The following PLIN3 variants were observed in gnomAD, a reference collection of about 807,000 sequenced individuals.
PLIN3 encodes perilipin-3.
Under a neutral mutation model 35.9 loss-of-function variants are expected in PLIN3, and 30 were observed. The observed-to-expected ratio is 0.84, with a 90% CI of 0.62 to 1.13. The LOEUF is 1.13. PLIN3 is among the 50% of genes most tolerant of loss of function. The pLI is 0.00. For missense variants in PLIN3, 603 were observed against 596.9 expected, an observed-to-expected ratio of 1.01 and a Z score of -0.11; for synonymous variants, 261 against 262.5, an observed-to-expected ratio of 0.99 and a Z score of 0.06.
intron 7 of PLIN3, among the ~76,000 whole-genome samples, chr19:4,841,862 G>GT (rs2029900141): frequency 7.4e-6 from 1 of 135,050 alleles, no homozygotes; most frequent in Non-Finnish European, 1.5e-5. Context: ...CCGAAATCGC[G>GT]TCACTGCACT....
intron 1 of PLIN3, among the ~76,000 whole-genome samples, chr19:4,865,281 G>A (rs2146219925): frequency 6.6e-6 from 1 of 152,130 alleles, no homozygotes; most frequent in Admixed American, 6.6e-5. Flanking sequence ...CTAAGGTCGG[G>A]AGTTTGAGAC....
intron 7 of PLIN3, among the ~76,000 whole-genome samples, chr19:4,843,089 A>G (rs1057326431): frequency 1.3e-5 from 2 of 151,780 alleles, no homozygotes; most frequent in African/African-American, 2.4e-5. Flanking sequence ...GGGCGTGGTG[A>G]CGCATGCCTG....
intron 3 of PLIN3, 41 bp from the exon 4 acceptor site, chr19:4,859,713 G>A: frequency 6.2e-7 from 1 of 1,606,516 alleles, no homozygotes; most frequent in Non-Finnish European, 8.5e-7. Flanking sequence ...CTGCTGGAAG[G>A]TCACCTAGTA....
chr19:4,839,440 T>G lies in PLIN3; in HGVS notation c.1057A>C (p.Thr353Pro). 4 of 1,598,578 alleles carry G rather than the reference T, an allele frequency of 2.5e-6. No homozygotes were observed. The highest frequency in any genetic ancestry group is 3.4e-6 in the Non-Finnish European group (4 of 1,169,148). Residue 353 changes from threonine to proline, a missense_variant, in exon 8 of 8, where the codon ACC becomes CCC. Coordinates refer to ENST00000221957, the MANE Select transcript of PLIN3 (RefSeq NM_005817.5). ...SLGSSIQGLP[T>P]NVKDQVQQAR... is the part of the protein sequence containing the mutation. Reference sequence around the variant, plus strand: ...TGCTGCACCTGGTCCTTCACATTGGTGGGGAGGCCCTGAATGCTGGACCCC... The same window carrying G: ...TGCTGCACCTGGTCCTTCACATTGGGGGGGAGGCCCTGAATGCTGGACCCC...
intron 4 of PLIN3, among the ~76,000 whole-genome samples, chr19:4,854,381 G>A (rs919247310): frequency 8.7e-5 from 13 of 149,860 alleles, no homozygotes; most frequent in Non-Finnish European, 4.4e-5. Context: ...GGGGAAGAGG[G>A]TGTGAGAGTC....
intron 7 of PLIN3, among the ~76,000 whole-genome samples, chr19:4,840,119 C>T (rs2029874472): frequency 6.6e-6 from 1 of 151,926 alleles, no homozygotes; most frequent in African/African-American, 2.4e-5. Flanking sequence ...AGGCGCGTGC[C>T]ACCACGCCCG....
Position 4,861,349 on chromosome 19 carries a change from C to G in PLIN3, c.46G>C (p.Val16Leu), listed in dbSNP as rs2030669035. The G allele has an allele frequency of 1.2e-6, 2 of 1,613,594 alleles. No individual in the cohort carries two copies. Among genetic ancestry groups the G allele is most frequent in the Non-Finnish European group, 1.7e-6 (2 of 1,179,844 alleles). ...AEADGSTQVT[V>L]EEPVQQPSVV... ...CTCACCTGCTGTACCGGTTCTTCCA[C>G]TGTCACCTGGGTGCTGCCATCAGCC... The change falls in exon 2 of 8, where the codon GTG becomes CTG. Residue 16 changes from valine to leucine, a missense_variant. Transcript: ENST00000221957.
intron 4 of PLIN3, among the ~76,000 whole-genome samples, chr19:4,854,769 A>G (rs2030418684): frequency 6.6e-6 from 1 of 151,978 alleles, no homozygotes; most frequent in Non-Finnish European, 1.5e-5. Context: ...AAAGGGGGAA[A>G]AAACTCATAG....
chr19:4,843,251 A>G lies in PLIN3; in HGVS notation c.960+1417T>C, dbSNP rs181836011. On this transcript the variant is annotated intron_variant, in intron 7 of 7. Coordinates refer to ENST00000221957, the MANE Select transcript of PLIN3 (RefSeq NM_005817.5). ...GCAGGGTGCGGTGGCTCACGCCTGT[A>G]ATCCCAGCACTTTGGGAGGCCGAGG... Among the ~76,000 whole-genome samples the G allele has an allele frequency of 3.2e-3, 485 of 151,840 alleles. 1 individual carries two copies. The highest frequency in any genetic ancestry group is 5.2e-3 in the Non-Finnish European group (351 of 67,936).
intron 1 of PLIN3, among the ~76,000 whole-genome samples, chr19:4,864,809 G>C (rs1252131345): frequency 6.6e-6 from 1 of 152,118 alleles, no homozygotes; most frequent in Non-Finnish European, 1.5e-5. Flanking sequence ...ATTCTCAGGG[G>C]GAAGCCAGGA....
Position 4,839,096 on chromosome 19 carries a change from TG to T in PLIN3, c.*95del. On this transcript the variant is annotated 3_prime_UTR_variant, in exon 8 of 8. Coordinates refer to ENST00000221957, the MANE Select transcript of PLIN3 (RefSeq NM_005817.5). ...GACAGCACAGAAGAGCTGGGAGGAG[TG>T]GCTAGAAAATAAGTTTGAAATGAGC... The T allele has an allele frequency of 1.0e-6, 1 of 988,286 alleles. No homozygotes were observed. Among genetic ancestry groups the T allele is most frequent in the Non-Finnish European group, 1.5e-6 (1 of 667,562 alleles). The allele number at this position is 988,286 out of a possible 1,614,324, so 61.2% of individuals were successfully genotyped here.
At chr19:4,860,286 A>G (rs766732290) in intron 2 of PLIN3, among the ~76,000 whole-genome samples, 6 of 151,976 alleles carry the variant, frequency 3.9e-5, no homozygotes, top group Admixed American at 6.6e-5. Flanking sequence ...AGCTCACTGC[A>G]ACCTCCACCT....
intron 5 of PLIN3, among the ~76,000 whole-genome samples, chr19:4,849,224 C>T (rs1599163878): frequency 1.3e-5 from 2 of 152,126 alleles, no homozygotes; most frequent in East Asian, 3.8e-4. Flanking sequence ...CTGCTCGCCT[C>T]AGACTCCCAA....
rs548228121 is a variant in PLIN3 at position 4,866,040 on chromosome 19, CAG to C, written c.-18+1567_-18+1568del. ...GCCCGGCCTTTTTTTTTTTTTGAGA[CAG>C]AGTCTTGCTCTGTCGCCCAGGCTGG... On this transcript the variant is annotated intron_variant, in intron 1 of 7. Transcript: ENST00000221957. 5.5e-5 allele frequency among the ~76,000 whole-genome samples: 8 copies of C among 144,706 alleles called. No individual in the cohort carries two copies. In the East Asian group the frequency reaches 1.0e-3, roughly 19 times the overall value. The allele number at this position is 144,706 out of a possible 152,430, so 94.9% of individuals were successfully genotyped here.
At position 4,847,859 on chromosome 19, in the gene PLIN3, G is replaced by A. The variant is rs754708990; in HGVS notation, c.666C>T (p.Asp222=). 2.7e-5 allele frequency: 44 copies of A among 1,613,780 alleles called. No homozygotes were observed. Among genetic ancestry groups the A allele is most frequent in the Non-Finnish European group, 3.2e-5 (38 of 1,179,950 alleles). Residue 222 remains aspartate (D), a synonymous_variant, in exon 6 of 8, where the codon GAC becomes GAT. Transcript: ENST00000221957. ...ARIATSLDGF[D]VASVQQQRQE... is the part of the protein sequence containing the mutation. ...GCCGCTGCTGCTGCACGGACGCGAC[G>A]TCAAAGCCATCCAGGGATGTGGCGA...
chr19:4,844,994 G>A (rs1403274036), intron 6 of PLIN3, among the ~76,000 whole-genome samples: 2 of 152,140 alleles, frequency 1.3e-5, no homozygotes, highest in Admixed American at 6.6e-5. Context: ...GGCTCTGTGT[G>A]GTTGGTGCAA....
chr19:4,852,222 A>G lies in PLIN3; in HGVS notation c.428T>C (p.Val143Ala). The part of the protein sequence containing the change: ...QEMVSSAKDT[V>A]ATQLSEAVDA... Reference sequence around the variant, plus strand: ...CACCGCCTCCGACAATTGGGTGGCCACCGTGTCCTTGGCGCTAGACACCAT... The same window carrying G: ...CACCGCCTCCGACAATTGGGTGGCCGCCGTGTCCTTGGCGCTAGACACCAT... Residue 143 changes from valine (V) to alanine (A), a missense_variant, in exon 5 of 8, where the codon GTG becomes GCG. Transcript: ENST00000221957. 2 of 1,611,516 alleles carry G rather than the reference A, an allele frequency of 1.2e-6. No homozygotes were observed. The highest frequency in any genetic ancestry group is 1.7e-6 in the Non-Finnish European group (2 of 1,179,994).
At chr19:4,858,117 AC>A (rs2030533079) in intron 4 of PLIN3, among the ~76,000 whole-genome samples, 1 of 151,474 alleles carries the variant, frequency 6.6e-6, no homozygotes, top group African/African-American at 2.4e-5. Flanking sequence ...TACTAAAAAT[AC>A]AAAAATTAGC....
In PLIN3 at chr19:4,860,010, G is replaced by T. The variant is rs1433528738; in HGVS notation, c.81C>A (p.Asp27Glu). The T allele has an allele frequency of 6.2e-7, 1 of 1,614,066 alleles. No homozygotes were observed. Among genetic ancestry groups the T allele is most frequent in the Middle Eastern group, 1.7e-4 (1 of 6,000 alleles). ...TGATCAGAGGCATGCTGGCCACACG[G>T]TCCACCACACTGGGCTACAGGAGAG... ...EEPVQQPSVV[D>E]RVASMPLISS... The change falls in exon 3 of 8, where the codon GAC becomes GAA. Residue 27 changes from aspartate to glutamate, a missense_variant. By Grantham distance (45) the Asp-to-Glu change is conservative. Coordinates refer to ENST00000221957, the MANE Select transcript of PLIN3 (RefSeq NM_005817.5).
Sources: gnomAD v4.1 joint callset for allele counts (sites outside exome capture counted in the v4.1 genomes callset) on GRCh38, gnomAD v4.1.1 for gene constraint, MANE v1.5 for transcripts, NCBI Gene and HGNC (gene_info 2026-07-23, HGNC 2026-07-21) for gene names.